The following TEX14 variants were observed in gnomAD, a reference collection of about 807,000 sequenced individuals.
The protein encoded by TEX14 is inactive serine/threonine-protein kinase TEX14.
Under a neutral mutation model 178.6 loss-of-function variants are expected in TEX14, and 168 were observed. The ratio of observed to expected loss-of-function variants is 0.94; its 90% confidence interval spans 0.83 to 1.07. TEX14 has a LOEUF of 1.07. Ranked by LOEUF, TEX14 falls within the 50% of genes least tolerant of loss-of-function variation. The probability of loss-of-function intolerance (pLI) is 0.00; values close to 1 mark genes in which losing one functional copy is unlikely to be tolerated. For synonymous variants in TEX14, 626 were observed against 634.1 expected, an observed-to-expected ratio of 0.99 and a Z score of 0.19; for missense variants, 1,730 against 1,753.6, an observed-to-expected ratio of 0.99 and a Z score of 0.24.
intron 21 of TEX14, among the ~76,000 whole-genome samples, chr17:58,575,450 A>G (rs994772669): frequency 2.6e-5 from 4 of 152,084 alleles, no homozygotes; most frequent in Non-Finnish European, 5.9e-5. Flanking sequence ...ATCCTCTGAG[A>G]CCAGTGATAT....
rs2044465254 is a variant in TEX14, at chr17:58,569,103, T to G, written c.3886+89A>C. 9.1e-7 allele frequency: 1 copy of G among 1,101,602 alleles called. No homozygotes were observed. Among genetic ancestry groups the G allele is most frequent in the African/African-American group, 1.6e-5 (1 of 63,230 alleles). The allele number at this position is 1,101,602 out of a possible 1,614,324, so 68.2% of individuals were successfully genotyped here. On this transcript the variant is annotated intron_variant, in intron 26 of 31. Coordinates refer to ENST00000349033, the MANE Select transcript of TEX14 (RefSeq NM_031272.5). The surrounding 1 kb of genome is among the most constrained non-coding windows in gnomAD (Gnocchi z 4.1). Reference sequence around the variant, plus strand: ...GCCATCATACAGCCTTTTATACTAGTGTTCACACTTGAGACAAAGACACCA... The same window carrying G: ...GCCATCATACAGCCTTTTATACTAGGGTTCACACTTGAGACAAAGACACCA...
At chr17:58,640,588 A>G (rs1356189103) in intron 2 of TEX14, among the ~76,000 whole-genome samples, 2 of 150,838 alleles carry the variant, frequency 1.3e-5, no homozygotes, top group African/African-American at 2.4e-5. Flanking sequence ...AAAGGCTCCT[A>G]CTCACATGCA....
chr17:58,601,083 TA>T (rs879471535), intron 13 of TEX14, among the ~76,000 whole-genome samples: 67 of 143,310 alleles, frequency 4.7e-4, no homozygotes, highest in Admixed American at 2.2e-3. Context: ...ACCTCATCTC[TA>T]AAAAAAAAAA....
At chr17:58,644,053 A>C (rs957784947) in intron 2 of TEX14, among the ~76,000 whole-genome samples, 6 of 151,990 alleles carry the variant, frequency 3.9e-5, no homozygotes, top group Non-Finnish European at 4.4e-5. Flanking sequence ...AAAAAGACCA[A>C]GCTATGATAG....
intron 1 of TEX14, among the ~76,000 whole-genome samples, chr17:58,685,550 A>C (rs1165992642): frequency 1.3e-5 from 2 of 152,054 alleles, no homozygotes; most frequent in African/African-American, 4.8e-5. Flanking sequence ...GAGGTCTAGC[A>C]CACACAAGGA....
In TEX14 at chr17:58,648,786, CTTTTTTTTTTTTTTT is replaced by C. The variant is rs34918333; in HGVS notation, c.136+3065_136+3079del. 5.6e-5 allele frequency among the ~76,000 whole-genome samples: 5 copies of C among 89,726 alleles called. No homozygotes were observed. In the East Asian group the frequency reaches 9.2e-4, roughly 17 times the overall value. 58.9% of individuals were successfully genotyped at this position (89,726 alleles called of 152,430 possible). ...TAATCCTGTGAATTTCTTTTTTTTT[CTTTTTTTTTTTTTTT>C]TTTTTTGAGACAGAGTCTCGCTCTG... On this transcript the variant is annotated intron_variant, in intron 2 of 31. Transcript: ENST00000349033.
chr17:58,612,735 CAAAAAAAAAA>C (rs35618114), intron 9 of TEX14, among the ~76,000 whole-genome samples: 1 of 97,100 alleles, frequency 1.0e-5, no homozygotes, highest in Admixed American at 1.2e-4. Context: ...ACTCTTGTCT[CAAAAAAAAAA>C]AAAAAAAAAA....
In TEX14 at chr17:58,602,278, GT is replaced by G. The variant is rs1567728985; in HGVS notation, c.1527+121del. On this transcript the variant is annotated intron_variant, in intron 12 of 31. Transcript: ENST00000349033. ...CTATTATCAAGAACACAGAAATGGT[GT>G]AATAAAATGAGGATTTCCAAAATTT... 2.1e-5 allele frequency: 19 copies of G among 904,170 alleles called. No homozygotes were observed. In the South Asian group the frequency reaches 3.2e-4, roughly 15 times the overall value. 56.0% of individuals were successfully genotyped at this position (904,170 alleles called of 1,614,324 possible). A position where few individuals can be genotyped will look rare whatever the true frequency, so the allele number is the denominator to read the frequency against.
At chr17:58,610,156 C>G (rs1028273728) in intron 10 of TEX14, among the ~76,000 whole-genome samples, 15 of 152,218 alleles carry the variant, frequency 9.9e-5, no homozygotes, top group East Asian at 1.9e-4. Context: ...CTTACCAACT[C>G]CTGAATTTTG....
intron 11 of TEX14, among the ~76,000 whole-genome samples, chr17:58,603,478 C>T (rs887022802): frequency 1.3e-5 from 2 of 151,310 alleles, no homozygotes; most frequent in Non-Finnish European, 2.9e-5. Flanking sequence ...TCACTTGAAC[C>T]CAGGAGGTGG....
At chr17:58,587,225 C>T (rs1206752822) in intron 17 of TEX14, among the ~76,000 whole-genome samples, 2 of 152,044 alleles carry the variant, frequency 1.3e-5, no homozygotes, top group African/African-American at 2.4e-5. Flanking sequence ...TGTTATACAT[C>T]GTTTTGCTTA....
chr17:58,566,929 G>A (rs147451487), intron 26 of TEX14, among the ~76,000 whole-genome samples: 15 of 152,300 alleles, frequency 9.8e-5, no homozygotes, highest in African/African-American at 2.9e-4. Context: ...CACTTTGGGA[G>A]GCTGAGGCAG....
intron 10 of TEX14, among the ~76,000 whole-genome samples, chr17:58,607,334 C>T (rs1179172035): frequency 6.6e-6 from 1 of 152,164 alleles, no homozygotes; most frequent in Non-Finnish European, 1.5e-5. Flanking sequence ...ACCTCCTACC[C>T]CCTCACTTGG....
rs577933572 is a variant in TEX14, at chr17:58,622,977, G to A, written c.287C>T (p.Ala96Val). Reference protein sequence around the residue: ...CFDGSTPVHAAAFSGNQWILS... With the variant: ...CFDGSTPVHAVAFSGNQWILS... ...GATCCACTGATTGCCCGAAAATGCT[G>A]CTGCATGGACAGGGGTGCTCCCATC... Residue 96 changes from alanine (A) to valine (V), a missense_variant, in exon 4 of 32, where the codon GCA (alanine) becomes GTA (valine). Transcript: ENST00000349033. The A allele has an allele frequency of 1.2e-6, 2 of 1,610,224 alleles. No homozygotes were observed. The highest frequency in any genetic ancestry group is 1.7e-5 in the Admixed American group (1 of 59,960).
intron 2 of TEX14, among the ~76,000 whole-genome samples, chr17:58,648,681 A>T (rs956033153): frequency 1.2e-4 from 18 of 152,302 alleles, no homozygotes; most frequent in African/African-American, 3.8e-4. Flanking sequence ...CTTGCCTGCA[A>T]GCACCACAGT....
chr17:58,673,229 C>T (rs890067854), intron 1 of TEX14, among the ~76,000 whole-genome samples: 1 of 151,446 alleles, frequency 6.6e-6, no homozygotes, highest in Non-Finnish European at 1.5e-5. Context: ...GCCTGTATTC[C>T]CAGCACTTTG....
intron 1 of TEX14, chr17:58,666,407 A>C (rs537007940): frequency 7.5e-6 from 1 of 134,220 alleles, no homozygotes; most frequent in East Asian, 2.5e-4. Flanking sequence ...ATGAATTCGG[A>C]TGCCACTGCA....
chr17:58,585,218 T>A (rs1404167789), intron 18 of TEX14, among the ~76,000 whole-genome samples: 1 of 152,076 alleles, frequency 6.6e-6, no homozygotes, highest in Non-Finnish European at 1.5e-5. Context: ...AAAACCAGGG[T>A]CAGTATTTGA....
intron 24 of TEX14, among the ~76,000 whole-genome samples, chr17:58,570,843 C>A (rs898144000): frequency 6.6e-6 from 1 of 152,000 alleles, no homozygotes; most frequent in African/African-American, 2.4e-5. Context: ...GTTGGCCAGG[C>A]TGGTCTCAAA....
Sources: gnomAD v4.1 joint callset for allele counts (sites outside exome capture counted in the v4.1 genomes callset) on GRCh38, gnomAD v4.1.1 for gene constraint, Gnocchi (gnomAD v3.1) non-coding constraint, MANE v1.5 for transcripts, NCBI Gene and HGNC (gene_info 2026-07-23, HGNC 2026-07-21) for gene names.